The following SLC2A14 variants were observed in gnomAD, a reference collection of about 807,000 sequenced individuals.
SLC2A14 encodes solute carrier family 2 member 14, also known as solute carrier family 2, facilitated glucose transporter member 14.
In SLC2A14, 13 loss-of-function variants were observed where a neutral mutation model predicts 43.0. The observed-to-expected ratio is 0.30, with a 90% CI of 0.20 to 0.48. The LOEUF is 0.48. Ranked by LOEUF, SLC2A14 falls within the 20% of genes least tolerant of loss-of-function variation. The pLI is 0.99. For missense variants in SLC2A14, 428 were observed against 620.4 expected (o/e 0.69, Z 3.29); for synonymous variants, 190 against 233.8 (o/e 0.81, Z 1.71).
chr12:7,870,040 A>G (rs1385474525), intron 1 of SLC2A14, 103 bp from the exon 2 acceptor site: 1 of 560,778 alleles, frequency 1.8e-6, no homozygotes, highest in East Asian at 3.0e-5. Context: ...ACTCCAATAA[A>G]TACTTCTGGA....
At chr12:7,882,008 T>A (rs764079555) in intron 1 of SLC2A14, among the ~76,000 whole-genome samples, 1 of 152,192 alleles carries the variant, frequency 6.6e-6, no homozygotes, top group South Asian at 2.1e-4. Flanking sequence ...CAGCAGGATG[T>A]GGGTGGGGCC....
chr12:7,837,575 T>TTGCG (rs1400468761), intron 2 of SLC2A14, among the ~76,000 whole-genome samples: 1 of 130,070 alleles, frequency 7.7e-6, no homozygotes, highest in Non-Finnish European at 1.5e-5. Context: ...GGGGCGGAGG[T>TTGCG]TGCAGTCAGC....
At chr12:7,867,291 AAAAAAAAAAC>A (rs1944973040) in intron 2 of SLC2A14, among the ~76,000 whole-genome samples, 2 of 112,332 alleles carry the variant, frequency 1.8e-5, no homozygotes, top group South Asian at 3.2e-4. Flanking sequence ...AAAAAAAAAA[AAAAAAAAAAC>A]AAAAAAAACA....
intron 2 of SLC2A14, among the ~76,000 whole-genome samples, chr12:7,862,711 G>A (rs971212840): frequency 2.0e-5 from 3 of 152,058 alleles, no homozygotes; most frequent in Non-Finnish European, 2.9e-5. Flanking sequence ...TACACCAATC[G>A]GCACTCTGTA....
At chr12:7,829,160 C>A (rs901096327) in intron 5 of SLC2A14, among the ~76,000 whole-genome samples, 1 of 151,606 alleles carries the variant, frequency 6.6e-6, no homozygotes, top group African/African-American at 2.4e-5. Context: ...TGCAGTGAGC[C>A]GAGATCGCGC....
chr12:7,842,095 T>C (rs1419848335), intron 2 of SLC2A14, among the ~76,000 whole-genome samples: 2 of 152,190 alleles, frequency 1.3e-5, no homozygotes, highest in Non-Finnish European at 2.9e-5. Flanking sequence ...GCTGTCTTTT[T>C]GCATAGTTTT....
chr12:7,821,990 A>T (rs1315170623), intron 7 of SLC2A14, among the ~76,000 whole-genome samples: 2 of 151,380 alleles, frequency 1.3e-5, no homozygotes, highest in African/African-American at 4.9e-5. Context: ...AGGCCTGGCT[A>T]ATTTTTTGTA....
intron 2 of SLC2A14, among the ~76,000 whole-genome samples, chr12:7,868,884 C>T (rs1255650895): frequency 6.6e-6 from 1 of 151,966 alleles, no homozygotes; most frequent in African/African-American, 2.4e-5. Context: ...TTGGCTCAAG[C>T]CTGTAATCCC....
rs748381233 is a variant in SLC2A14 at position 7,832,797 on chromosome 12, G to T, written c.36C>A (p.Ile12=). 8.7e-6 allele frequency: 14 copies of T among 1,614,188 alleles called. No individual in the cohort carries two copies. The highest frequency in any genetic ancestry group is 4.5e-5 in the East Asian group (2 of 44,878). Residue 12 remains isoleucine, a synonymous_variant, in exon 3 of 11, where the codon ATC becomes ATA. Transcript: ENST00000431042. ...CGATTGTAGCAACTGTGATGGCAAAGATCAGAGCTGGGGTGACCTGGAGAG... is the reference window on the plus strand; with the variant it reads ...CGATTGTAGCAACTGTGATGGCAAATATCAGAGCTGGGGTGACCTGGAGAG... ...DNRQNVTPAL[I]FAITVATIGS...
At chr12:7,881,767 T>C (rs371388465) in intron 1 of SLC2A14, among the ~76,000 whole-genome samples, 4 of 152,280 alleles carry the variant, frequency 2.6e-5, no homozygotes, top group African/African-American at 9.6e-5. Flanking sequence ...GGAGAACCTT[T>C]ATGTCTAGCT....
At chr12:7,873,234 A>G (rs1442091617), upstream of SLC2A14, 1 of 985,452 alleles carries the variant, frequency 1.0e-6, no homozygotes, top group Non-Finnish European at 1.2e-6. Flanking sequence ...GTGTGAACGT[A>G]TCTATTTTCA....
chr12:7,850,886 A>G (rs182846145), intron 2 of SLC2A14: 2 of 152,152 alleles, frequency 1.3e-5, no homozygotes, highest in Non-Finnish European at 2.9e-5. Flanking sequence ...TTCCACATAC[A>G]TCAAATGTGT....
intron 1 of SLC2A14, among the ~76,000 whole-genome samples, chr12:7,882,400 G>C (rs1052264293): frequency 6.6e-6 from 1 of 152,054 alleles, no homozygotes; most frequent in Non-Finnish European, 1.5e-5. Context: ...TTTAAGAGCT[G>C]TAACACTAAC....
chr12:7,848,467 C>A (rs969866332), intron 2 of SLC2A14, among the ~76,000 whole-genome samples: 2 of 151,880 alleles, frequency 1.3e-5, no homozygotes, highest in Admixed American at 1.3e-4. Flanking sequence ...ATGCTCCTTA[C>A]GTCTATTCCA....
intron 1 of SLC2A14, 140 bp from the exon 2 acceptor site, chr12:7,870,077 A>G (rs1378160829): frequency 1.9e-6 from 1 of 531,976 alleles, no homozygotes; most frequent in Non-Finnish European, 3.3e-6. Context: ...ATATAATTCT[A>G]TTGATGTTTT....
intron 2 of SLC2A14, among the ~76,000 whole-genome samples, chr12:7,841,850 A>G (rs1865972674): frequency 6.6e-6 from 1 of 151,894 alleles, no homozygotes; most frequent in Non-Finnish European, 1.5e-5. Flanking sequence ...TACTAAAAAT[A>G]TAAAATTAGC....
upstream of SLC2A14, among the ~76,000 whole-genome samples, chr12:7,876,280 CAAAAAAAAA>C (rs59935166): frequency 5.9e-5 from 4 of 68,208 alleles, no homozygotes; most frequent in South Asian, 6.4e-4. Context: ...AACTCCATCT[CAAAAAAAAA>C]AAAAAAAAAA....
intron 2 of SLC2A14, chr12:7,860,749 T>C (rs1162449248): frequency 6.5e-6 from 1 of 152,696 alleles, no homozygotes; most frequent in East Asian, 1.9e-4. Context: ...CCATCAGTAT[T>C]GAGTCAGGAA....
chr12:7,814,621 G>A, intron 10 of SLC2A14, 87 bp from the exon 11 acceptor site: 2 of 1,391,580 alleles, frequency 1.4e-6, no homozygotes, highest in Non-Finnish European at 9.8e-7. Context: ...ATTTCCAATA[G>A]GCTTCAAGCT....
Sources: allele counts gnomAD v4.1 joint callset (sites outside exome capture counted in the v4.1 genomes callset), GRCh38; gene constraint gnomAD v4.1.1; transcripts MANE v1.5; gene names NCBI Gene and HGNC (gene_info 2026-07-23, HGNC 2026-07-21).